The following DDX42 variants were observed in gnomAD, a reference collection of about 807,000 sequenced individuals.
DDX42 encodes DEAD-box helicase 42.
In DDX42, 22 loss-of-function variants were observed where a neutral mutation model predicts 101.5. The observed-to-expected ratio is 0.22, with a 90% CI of 0.15 to 0.31. DDX42 has a LOEUF of 0.31. DDX42 is among the 10% of genes least tolerant of loss of function. The probability of loss-of-function intolerance (pLI) is 1.00; values close to 1 mark genes in which losing one functional copy is unlikely to be tolerated. For synonymous variants in DDX42, 402 were observed against 401.2 expected, an observed-to-expected ratio of 1.00 and a Z score of -0.02; for missense variants, 849 against 1,199.9, an observed-to-expected ratio of 0.71 and a Z score of 4.32.
intron 6 of DDX42, 62 bp downstream of exon 6, chr17:63,800,679 C>G: frequency 6.4e-7 from 1 of 1,572,114 alleles, no homozygotes; most frequent in South Asian, 1.2e-5. Context: ...TCAGCTTTAA[C>G]ATTTAGATTT....
chr17:63,817,054 G>GC (rs2039985352), intron 17 of DDX42, 88 bp downstream of exon 17: 1 of 1,131,798 alleles, frequency 8.8e-7, no homozygotes, highest in Non-Finnish European at 1.3e-6. Context: ...TTGTAGCTGG[G>GC]CGCCTAGGCT....
chr17:63,808,864 A>C lies in DDX42; in HGVS notation c.1068A>C (p.Arg356=). 1 of 1,614,088 alleles carries C rather than the reference A, an allele frequency of 6.2e-7. No individual in the cohort carries two copies. Among genetic ancestry groups the C allele is most frequent in the Non-Finnish European group, 8.5e-7 (1 of 1,179,994 alleles). ...CKRFGKAYNL[R]SVAVYGGGSM... ...GGTTTGGAAAAGCATATAATCTTCGATCAGTGGCCGTATATGGAGGAGGGA... is the reference window on the plus strand; with the variant it reads ...GGTTTGGAAAAGCATATAATCTTCGCTCAGTGGCCGTATATGGAGGAGGGA... The change falls in exon 10 of 18, where the codon CGA becomes CGC. Residue 356 remains arginine (R), a synonymous_variant. Coordinates refer to ENST00000389924, the MANE Select transcript of DDX42 (RefSeq NM_203499.3).
chr17:63,790,272 A>G (rs1378777125), intron 2 of DDX42, among the ~76,000 whole-genome samples: 1 of 152,202 alleles, frequency 6.6e-6, no homozygotes, highest in African/African-American at 2.4e-5. Flanking sequence ...TGAGTATGCT[A>G]TTGCTACATT....
chr17:63,783,570 T>C (rs2039513112), intron 1 of DDX42, among the ~76,000 whole-genome samples: 1 of 152,186 alleles, frequency 6.6e-6, no homozygotes, highest in South Asian at 2.1e-4. Flanking sequence ...ACACTGGAAT[T>C]ACGTTGATTC....
At chr17:63,780,130 C>T (rs1230312651) in intron 1 of DDX42, among the ~76,000 whole-genome samples, 1 of 152,096 alleles carries the variant, frequency 6.6e-6, no homozygotes, top group African/African-American at 2.4e-5. Context: ...AACCCCATCT[C>T]TCCTAAAAAT....
intron 6 of DDX42, among the ~76,000 whole-genome samples, chr17:63,801,007 CTCTT>C (rs1423907139): frequency 8.7e-5 from 10 of 115,176 alleles, no homozygotes; most frequent in African/African-American, 3.1e-4. Flanking sequence ...TTTTTTTCCT[CTCTT>C]TCTTCTTTCT....
chr17:63,789,728 C>G (rs1196596394), intron 2 of DDX42, among the ~76,000 whole-genome samples: 4 of 151,622 alleles, frequency 2.6e-5, no homozygotes, highest in Non-Finnish European at 5.9e-5. Flanking sequence ...CATGTGCCAC[C>G]ACGCCTGGCT....
At chr17:63,780,925 A>T (rs532924135) in intron 1 of DDX42, among the ~76,000 whole-genome samples, 1 of 152,116 alleles carries the variant, frequency 6.6e-6, no homozygotes, top group African/African-American at 2.4e-5. Flanking sequence ...AAATCCTATG[A>T]CTTTTTTCTG....
intron 1 of DDX42, among the ~76,000 whole-genome samples, chr17:63,776,713 G>A (rs537649068): frequency 6.8e-6 from 1 of 146,820 alleles, no homozygotes; most frequent in Non-Finnish European, 1.5e-5. Flanking sequence ...TAATCCGCCT[G>A]CCTCAGCCTC....
chr17:63,800,929 CTTTCTTTTCTTTCCTTCCTTCCTTTCTT>C (rs2039757894), intron 6 of DDX42, among the ~76,000 whole-genome samples: 1 of 136,502 alleles, frequency 7.3e-6, no homozygotes, highest in Non-Finnish European at 1.6e-5. Context: ...TCCTTCCTTT[CTTTCTTTTCTTTCCTTCCTTCCTTTCTT>C]TCTTTTTCTT....
rs2040016826 is a variant in DDX42, at chr17:63,819,097, C to G, written c.*699C>G. 1 of 152,440 alleles carries G rather than the reference C, an allele frequency of 6.6e-6. No individual in the cohort carries two copies. The highest frequency in any genetic ancestry group is 1.5e-5 in the Non-Finnish European group (1 of 68,034). 9.4% of individuals were successfully genotyped at this position (152,440 alleles called of 1,614,324 possible). A position where few individuals can be genotyped will look rare whatever the true frequency, so the allele number is the denominator to read the frequency against. On this transcript the variant is annotated 3_prime_UTR_variant, in exon 18 of 18. Coordinates refer to ENST00000389924, the MANE Select transcript of DDX42 (RefSeq NM_203499.3). ...GCTAAATTTAAAATTAAACAAGAAA[C>G]CCAACAACAGCTTTTAAAGTGTCTT... is the stretch of plus-strand genomic sequence containing the variant.
chr17:63,807,809 T>C lies in DDX42; in HGVS notation c.932T>C (p.Met311Thr), dbSNP rs1278540621. The C allele has an allele frequency of 3.7e-6, 6 of 1,614,014 alleles. No homozygotes were observed. Among genetic ancestry groups the C allele is most frequent in the Non-Finnish European group, 5.1e-6 (6 of 1,180,020 alleles). ...SGKTAAFIWP[M>T]LIHIMDQKEL... ...AAAACTGCAGCCTTCATTTGGCCCATGTTGATTCATATAATGGACCAGAAG... is the reference window on the plus strand; with the variant it reads ...AAAACTGCAGCCTTCATTTGGCCCACGTTGATTCATATAATGGACCAGAAG... The change falls in exon 9 of 18, where the codon ATG becomes ACG. Residue 311 changes from methionine (M) to threonine (T), a missense_variant. By Grantham distance (81) the Met-to-Thr change is moderately conservative (BLOSUM62 -1). Coordinates refer to ENST00000389924, the MANE Select transcript of DDX42 (RefSeq NM_203499.3).
chr17:63,817,659 A>G (rs930235218), intron 17 of DDX42, 35 bp from the exon 18 acceptor site: 3 of 1,595,064 alleles, frequency 1.9e-6, no homozygotes, highest in African/African-American at 1.3e-5. Flanking sequence ...TGAACTTGCT[A>G]TCTTACCTAC....
chr17:63,808,469 C>T (rs1002961563), intron 9 of DDX42, among the ~76,000 whole-genome samples: 6 of 152,014 alleles, frequency 3.9e-5, no homozygotes, highest in Admixed American at 6.6e-5. Flanking sequence ...CCACTGTGCC[C>T]GGCCAGAACT....
chr17:63,809,270 A>G (rs1441365311), intron 10 of DDX42, among the ~76,000 whole-genome samples: 7 of 152,232 alleles, frequency 4.6e-5, no homozygotes, highest in African/African-American at 1.2e-4. Flanking sequence ...TAGTTTAAAC[A>G]TTGAAACCTG....
rs1383419074 is a variant in DDX42 at position 63,800,412 on chromosome 17, G to A, written c.472-56G>A. 5.1e-6 allele frequency: 8 copies of A among 1,565,682 alleles called. No individual in the cohort carries two copies. In the African/African-American group the frequency reaches 8.1e-5, roughly 16 times the overall value. On this transcript the variant is annotated intron_variant, in intron 5 of 17. Coordinates refer to ENST00000389924, the MANE Select transcript of DDX42 (RefSeq NM_203499.3). ...TACACTATGTGCGCTAATTACAGGA[G>A]CAGAAACATTCTCAATTGTACTTGG...
chr17:63,810,087 T>A (rs943147891), intron 11 of DDX42, among the ~76,000 whole-genome samples: 4 of 151,948 alleles, frequency 2.6e-5, no homozygotes, highest in Admixed American at 2.0e-4. Context: ...GAATGATATG[T>A]TTAGGAGCTT....
chr17:63,799,814 T>C (rs1416027527), intron 5 of DDX42, among the ~76,000 whole-genome samples, 189 bp downstream of exon 5: 3 of 152,200 alleles, frequency 2.0e-5, no homozygotes, highest in Non-Finnish European at 4.4e-5. Flanking sequence ...TCCCCCATAT[T>C]GAAGATGGAA....
At chr17:63,812,992 TC>T (rs1189775310) in intron 14 of DDX42, among the ~76,000 whole-genome samples, 1 of 152,116 alleles carries the variant, frequency 6.6e-6, no homozygotes, top group African/African-American at 2.4e-5. Context: ...GGCACTGCAC[TC>T]CCGTCTGGCA....
Sources: allele counts gnomAD v4.1 joint callset (sites outside exome capture counted in the v4.1 genomes callset), GRCh38; gene constraint gnomAD v4.1.1; transcripts MANE v1.5; gene names NCBI Gene and HGNC (gene_info 2026-07-23, HGNC 2026-07-21).